Variants in GPR158 observed in about 807,000 individuals in gnomAD.
GPR158 encodes the protein metabotropic glycine receptor.
GPR158 carries 30 observed loss-of-function variants against 78.2 expected under a neutral mutation model. The observed-to-expected ratio is 0.38, with a 90% CI of 0.29 to 0.52. The LOEUF is 0.52. Among genes scored for constraint, GPR158 ranks in the 20% least tolerant of loss-of-function variants. The pLI, the probability that GPR158 is intolerant of heterozygous loss-of-function variation, is 0.83. For missense variants in GPR158, 1,463 were observed against 1,523.5 expected (o/e 0.96, Z 0.66); for synonymous variants, 581 against 591.1 (o/e 0.98, Z 0.25).
At chr10:25,309,630 T>G (rs1030214562) in intron 2 of GPR158, among the ~76,000 whole-genome samples, 2 of 152,162 alleles carry the variant, frequency 1.3e-5, no homozygotes, top group African/African-American at 4.8e-5. Context: ...AAATCTAATC[T>G]TGAATTGTAG....
chr10:25,285,554 A>C (rs1287601633), intron 2 of GPR158, among the ~76,000 whole-genome samples: 1 of 152,216 alleles, frequency 6.6e-6, no homozygotes, highest in Non-Finnish European at 1.5e-5. Context: ...ATCCAAGGAC[A>C]GGATGAGAAA....
intron 2 of GPR158, among the ~76,000 whole-genome samples, chr10:25,291,924 G>A (rs970952031): frequency 2.0e-5 from 3 of 152,038 alleles, no homozygotes; most frequent in African/African-American, 4.8e-5. Flanking sequence ...TCTGATGTTT[G>A]TGCAGCTTTA....
chr10:25,370,789 T>C (rs12249897), intron 2 of GPR158, among the ~76,000 whole-genome samples: 2 of 147,692 alleles, frequency 1.4e-5, no homozygotes, highest in African/African-American at 5.0e-5. Context: ...CCCATTGTTA[T>C]TGTGTGGGAG....
At chr10:25,548,197 G>T (rs902983380) in intron 5 of GPR158, among the ~76,000 whole-genome samples, 4 of 152,142 alleles carry the variant, frequency 2.6e-5, no homozygotes, top group African/African-American at 9.7e-5. Context: ...TAAGCACACA[G>T]AATATACTGA....
intron 2 of GPR158, among the ~76,000 whole-genome samples, chr10:25,331,411 T>G (rs2130492638): frequency 6.6e-6 from 1 of 152,314 alleles, no homozygotes; most frequent in Non-Finnish European, 1.5e-5. Context: ...GTACTTGAAT[T>G]AGATGAATAT....
At chr10:25,257,882 C>T (rs572160582) in intron 2 of GPR158, among the ~76,000 whole-genome samples, 1 of 152,140 alleles carries the variant, frequency 6.6e-6, no homozygotes, top group East Asian at 1.9e-4. Flanking sequence ...TCTGTCCATG[C>T]GGGTTAGGAA....
intron 2 of GPR158, among the ~76,000 whole-genome samples, chr10:25,256,095 A>G (rs183218945): frequency 1.1e-3 from 171 of 152,276 alleles, no homozygotes; most frequent in Middle Eastern, 3.4e-3. Context: ...ATGGGTCCAT[A>G]GCTACCATAG....
At chr10:25,341,715 TA>T (rs1855305174) in intron 2 of GPR158, among the ~76,000 whole-genome samples, 3 of 151,952 alleles carry the variant, frequency 2.0e-5, no homozygotes, top group Admixed American at 1.3e-4. Context: ...TATTATTTTT[TA>T]GTATTTTTTA....
At chr10:25,556,772 C>T (rs563896855) in intron 6 of GPR158, among the ~76,000 whole-genome samples, 1 of 152,166 alleles carries the variant, frequency 6.6e-6, no homozygotes, top group Non-Finnish European at 1.5e-5. Flanking sequence ...TACACCCACG[C>T]TTCAGATATA....
chr10:25,461,362 CT>C (rs1200583606), intron 4 of GPR158, among the ~76,000 whole-genome samples: 2 of 152,112 alleles, frequency 1.3e-5, no homozygotes, highest in Admixed American at 1.3e-4. Flanking sequence ...GCAAAACAGG[CT>C]TATTGCTGAT....
chr10:25,281,409 CAAAAAAAAAA>C (rs749627659), intron 2 of GPR158, among the ~76,000 whole-genome samples: 2 of 68,524 alleles, frequency 2.9e-5, no homozygotes, highest in South Asian at 4.1e-4. Context: ...ACCAAAAATA[CAAAAAAAAAA>C]AAAAAAAAAA....
chr10:25,559,331 G>A (rs748320506), intron 6 of GPR158, among the ~76,000 whole-genome samples: 11 of 151,940 alleles, frequency 7.2e-5, no homozygotes, highest in Non-Finnish European at 1.3e-4. Flanking sequence ...GCCTATTTTT[G>A]TCTTTATAGT....
At chr10:25,247,305 CT>C (rs200789915) in intron 2 of GPR158, among the ~76,000 whole-genome samples, 18,653 of 142,566 alleles carry the variant, frequency 0.13, 1,493 homozygotes, top group East Asian at 0.44. Context: ...TCAATTTATT[CT>C]TTTTTTTTTT....
intron 5 of GPR158, among the ~76,000 whole-genome samples, chr10:25,541,498 G>A (rs957437625): frequency 2.6e-5 from 4 of 151,144 alleles, no homozygotes; most frequent in African/African-American, 9.7e-5. Context: ...TGAAGAGATT[G>A]TGTTCTATTT....
In GPR158 at chr10:25,262,435, T is replaced by C. The variant is rs554723982; in HGVS notation, c.1008+41278T>C. ...CTTAGTATCTAGGAAAGAATGAATA[T>C]GGATAAAGGAAACCCAGGAGAAAGG... On this transcript the variant is annotated intron_variant, in intron 2 of 10. Coordinates refer to ENST00000376351, the MANE Select transcript of GPR158 (RefSeq NM_020752.3). Among the ~76,000 whole-genome samples the C allele has an allele frequency of 1.2e-4, 19 of 152,292 alleles. No individual in the cohort carries two copies. In the East Asian group the frequency reaches 3.7e-3, roughly 29 times the overall value.
At chr10:25,261,479 C>A (rs1853967496) in intron 2 of GPR158, among the ~76,000 whole-genome samples, 1 of 151,868 alleles carries the variant, frequency 6.6e-6, no homozygotes, top group Non-Finnish European at 1.5e-5. Flanking sequence ...ATGTCTTTTG[C>A]ACTATGCTGA....
intron 2 of GPR158, among the ~76,000 whole-genome samples, chr10:25,365,725 G>T (rs557949264): frequency 7.1e-4 from 108 of 151,678 alleles, no homozygotes; most frequent in African/African-American, 2.5e-3. Context: ...GGGATAGTAT[G>T]GCTTAGTGTA....
chr10:25,489,597 C>G (rs1835777844), intron 5 of GPR158, among the ~76,000 whole-genome samples: 2 of 152,140 alleles, frequency 1.3e-5, no homozygotes, highest in South Asian at 2.1e-4. Flanking sequence ...CCTCAACTCT[C>G]TACCCCTAGC....
intron 2 of GPR158, among the ~76,000 whole-genome samples, chr10:25,312,098 A>G (rs1176952058): frequency 2.0e-5 from 3 of 152,012 alleles, no homozygotes; most frequent in African/African-American, 4.8e-5. Flanking sequence ...TGTTTTTCAG[A>G]AAGTTGTGGA....
Sources: gnomAD v4.1 joint callset for allele counts (sites outside exome capture counted in the v4.1 genomes callset) on GRCh38, gnomAD v4.1.1 for gene constraint, MANE v1.5 for transcripts, NCBI Gene and HGNC (gene_info 2026-07-23, HGNC 2026-07-21) for gene names.